CPNE2: variants seen among roughly 807,000 people sequenced by gnomAD.
CPNE2 encodes copine-2.
CPNE2 carries 42 observed loss-of-function variants against 69.7 expected under a neutral mutation model. That is an observed-to-expected ratio of 0.60 (90% CI 0.47 to 0.78). The LOEUF (loss-of-function observed/expected upper bound fraction) is 0.78. CPNE2 is among the 30% of genes least tolerant of loss of function. The pLI is 0.00. For synonymous variants in CPNE2, 294 were observed against 289.8 expected (o/e 1.01, Z -0.15); for missense variants, 587 against 732.0 (o/e 0.80, Z 2.29).
At chr16:57,124,345 GT>G in intron 10 of CPNE2, 1 of 455,138 alleles carries the variant, frequency 2.2e-6, no homozygotes, top group South Asian at 1.6e-5. Context: ...GCCTCTCAAA[GT>G]GCTAGGATTA....
At chr16:57,110,530 ATGCATTTCCT>A in intron 1 of CPNE2, 168 bp from the exon 2 acceptor site, 1 of 393,920 alleles carries the variant, frequency 2.5e-6, no homozygotes, top group Non-Finnish European at 4.6e-6. Context: ...CTCCCTTTTC[ATGCATTTCCT>A]TGCATTCTTC....
At chr16:57,123,365 G>T in intron 9 of CPNE2, 49 bp from the exon 10 acceptor site, 1 of 1,590,210 alleles carries the variant, frequency 6.3e-7, no homozygotes, top group Non-Finnish European at 8.6e-7. Context: ...CCCCCATGGG[G>T]AGTGTGACCA....
Position 57,103,452 on chromosome 16 carries a change from G to T in CPNE2, c.-35-7256G>T, listed in dbSNP as rs1311543627. On this transcript the variant is annotated intron_variant, in intron 1 of 15. Coordinates refer to ENST00000290776, the MANE Select transcript of CPNE2 (RefSeq NM_152727.6). ...TTTTCCCTTTTCTACACATCAAGTTGCATGTGCTTTTCTGACAGCACACGG... is the reference window on the plus strand; with the variant it reads ...TTTTCCCTTTTCTACACATCAAGTTTCATGTGCTTTTCTGACAGCACACGG... Among the ~76,000 whole-genome samples the T allele has an allele frequency of 2.6e-5, 4 of 152,112 alleles. No individual in the cohort carries two copies. The East Asian group carries it at 5.8e-4, about 22-fold the overall frequency.
At chr16:57,126,585 G>A (rs865923665) in intron 11 of CPNE2, among the ~76,000 whole-genome samples, 1 of 152,330 alleles carries the variant, frequency 6.6e-6, no homozygotes, top group Non-Finnish European at 1.5e-5. Flanking sequence ...TGACATCACT[G>A]TCACAGATGG....
chr16:57,109,497 T>G (rs1228138668), intron 1 of CPNE2, among the ~76,000 whole-genome samples: 5 of 148,682 alleles, frequency 3.4e-5, no homozygotes, highest in Non-Finnish European at 6.0e-5. Flanking sequence ...AAAAAGAAAG[T>G]AAAGGAATAA....
At chr16:57,104,380 TA>T (rs1159960766) in intron 1 of CPNE2, among the ~76,000 whole-genome samples, 2 of 152,138 alleles carry the variant, frequency 1.3e-5, no homozygotes, top group Non-Finnish European at 2.9e-5. Context: ...TTCCCTGGCT[TA>T]AAAAAACCAC....
chr16:57,137,233 A>G lies in CPNE2; in HGVS notation c.1253A>G (p.Asn418Ser), dbSNP rs1295902375. The change falls in exon 14 of 16, where the codon AAC (asparagine) becomes AGC (serine). Residue 418 changes from asparagine to serine, a missense_variant. By Grantham distance (46) the Asn-to-Ser change is conservative. Around this residue, in one of 5 missense-constraint regions of CPNE2, gnomAD observed 185 missense variants for 252.3 expected, o/e 0.73. Coordinates refer to ENST00000290776, the MANE Select transcript of CPNE2 (RefSeq NM_152727.6). ...CCTACCAATTTCTCCCCCATCGTCAACCACGTGGCCCGGTTTGCGGCCCAG... is the reference window on the plus strand; with the variant it reads ...CCTACCAATTTCTCCCCCATCGTCAGCCACGTGGCCCGGTTTGCGGCCCAG... Reference protein sequence around the residue: ...YGPTNFSPIVNHVARFAAQAT... With the variant: ...YGPTNFSPIVSHVARFAAQAT... 2 of 1,614,220 alleles carry G rather than the reference A, an allele frequency of 1.2e-6. No homozygotes were observed. Among genetic ancestry groups the G allele is most frequent in the Non-Finnish European group, 1.7e-6 (2 of 1,180,026 alleles).
At chr16:57,124,817 T>C (rs1364338384) in intron 10 of CPNE2, 3 of 217,676 alleles carry the variant, frequency 1.4e-5, no homozygotes, top group Non-Finnish European at 2.9e-5. Context: ...TTGGCCTTGC[T>C]GACTTCTGAC....
intron 1 of CPNE2, among the ~76,000 whole-genome samples, chr16:57,100,400 C>A (rs1481884864): frequency 2.6e-5 from 4 of 152,232 alleles, no homozygotes; most frequent in African/African-American, 7.2e-5. Context: ...CATCAGGGAA[C>A]CTGGATGTTG....
intron 1 of CPNE2, among the ~76,000 whole-genome samples, chr16:57,107,257 T>C (rs2069653698): frequency 6.6e-6 from 1 of 151,936 alleles, no homozygotes; most frequent in East Asian, 1.9e-4. Context: ...GAATAAATCC[T>C]GCAGGCAAAT....
chr16:57,117,797 G>T (rs1164607203), intron 5 of CPNE2, among the ~76,000 whole-genome samples: 1 of 152,122 alleles, frequency 6.6e-6, no homozygotes, highest in African/African-American at 2.4e-5. Flanking sequence ...GCTCATTGGG[G>T]CATCCCCATC....
rs749360403 is a variant in CPNE2, at chr16:57,110,705, T to C, written c.-35-3T>C. ...TCTCTGACCCTCACTTCTGTTCCCC[T>C]AGACTGCCAGGAACTCCTGCCACCG... is the stretch of plus-strand genomic sequence containing the variant. On this transcript the variant is annotated splice_polypyrimidine_tract_variant and splice_region_variant and intron_variant, in intron 1 of 15. Transcript: ENST00000290776. The C allele has an allele frequency of 6.4e-7, 1 of 1,555,368 alleles. No individual in the cohort carries two copies. Among genetic ancestry groups the C allele is most frequent in the South Asian group, 1.2e-5 (1 of 84,244 alleles).
At chr16:57,137,343 G>C in intron 14 of CPNE2, 61 bp downstream of exon 14, 4 of 1,590,852 alleles carry the variant, frequency 2.5e-6, no homozygotes, top group Non-Finnish European at 3.4e-6. Flanking sequence ...GGGCTGGGGG[G>C]CAGGATATTC....
chr16:57,147,704 C>A lies in CPNE2; in HGVS notation c.*46C>A. 7.6e-7 allele frequency: 1 copy of A among 1,317,978 alleles called. No homozygotes were observed. Among genetic ancestry groups the A allele is most frequent in the Non-Finnish European group, 1.1e-6 (1 of 951,130 alleles). 81.6% of individuals were successfully genotyped at this position (1,317,978 alleles called of 1,614,324 possible). ...CATGTCAGCTGAGCCTCCTGCCCTC[C>A]CCCAGGAACATGCACGCTCACTCTG... On this transcript the variant is annotated 3_prime_UTR_variant, in exon 16 of 16. Transcript: ENST00000290776.
chr16:57,135,214 ACCT>A (rs1162619276), intron 13 of CPNE2, among the ~76,000 whole-genome samples: 1 of 151,766 alleles, frequency 6.6e-6, no homozygotes, highest in African/African-American at 2.4e-5. Context: ...ACCTGCTTTC[ACCT>A]CCTTCCCACC....
intron 14 of CPNE2, among the ~76,000 whole-genome samples, chr16:57,138,114 C>T (rs1260046033): frequency 6.6e-6 from 1 of 152,228 alleles, no homozygotes; most frequent in African/African-American, 2.4e-5. Flanking sequence ...GACGGGGAAT[C>T]AGGCACCCAG....
At chr16:57,133,685 A>G (rs1192104818) in intron 12 of CPNE2, among the ~76,000 whole-genome samples, 1 of 151,928 alleles carries the variant, frequency 6.6e-6, no homozygotes, top group African/African-American at 2.4e-5. Flanking sequence ...TCCCTGGGGG[A>G]GGAATGCCTT....
rs2069970406 is a variant in CPNE2, at chr16:57,147,695, C to A, written c.*37C>A. On this transcript the variant is annotated 3_prime_UTR_variant, in exon 16 of 16. Coordinates refer to ENST00000290776, the MANE Select transcript of CPNE2 (RefSeq NM_152727.6). Reference sequence around the variant, plus strand: ...CAGCAGCAGCATGTCAGCTGAGCCTCCTGCCCTCCCCCAGGAACATGCACG... The same window carrying A: ...CAGCAGCAGCATGTCAGCTGAGCCTACTGCCCTCCCCCAGGAACATGCACG... 7.2e-7 allele frequency: 1 copy of A among 1,391,432 alleles called. No individual in the cohort carries two copies. The highest frequency in any genetic ancestry group is 9.9e-7 in the Non-Finnish European group (1 of 1,005,902). 86.2% of individuals were successfully genotyped at this position (1,391,432 alleles called of 1,614,324 possible).
chr16:57,145,855 G>A, intron 14 of CPNE2: 1 of 567,418 alleles, frequency 1.8e-6, no homozygotes, highest in South Asian at 2.0e-5. Flanking sequence ...CAGGAGGGGA[G>A]AGCAGTTTGT....
Sources: gnomAD v4.1 joint callset for allele counts (sites outside exome capture counted in the v4.1 genomes callset) on GRCh38, gnomAD v4.1.1 for gene constraint, gnomAD v4.1.1 regional missense constraint, MANE v1.5 for transcripts, NCBI Gene and HGNC (gene_info 2026-07-23, HGNC 2026-07-21) for gene names.